Variants in RAP1A observed in about 807,000 individuals in gnomAD.
RAP1A encodes the protein ras-related protein Rap-1A.
In RAP1A, 6 loss-of-function variants were observed where a neutral mutation model predicts 26.4. The observed-to-expected ratio is 0.23, with a 90% CI of 0.12 to 0.45. The LOEUF is 0.45. Among genes scored for constraint, RAP1A ranks in the 20% least tolerant of loss-of-function variants. The probability of loss-of-function intolerance (pLI) is 0.99; values close to 1 mark genes in which losing one functional copy is unlikely to be tolerated. For missense variants in RAP1A, 121 were observed against 217.2 expected (o/e 0.56, Z 2.78); for synonymous variants, 73 against 79.4 (o/e 0.92, Z 0.43).
intron 6 of RAP1A, among the ~76,000 whole-genome samples, chr1:111,706,957 T>C (rs894087677): frequency 6.6e-6 from 1 of 152,240 alleles, no homozygotes; most frequent in Non-Finnish European, 1.5e-5. Context: ...TTATAGCTTA[T>C]GCATTGAGTA....
At chr1:111,686,572 T>C (rs2101226621) in intron 1 of RAP1A, 1 of 151,102 alleles carries the variant, frequency 6.6e-6, no homozygotes, top group Admixed American at 6.6e-5. Flanking sequence ...ATGTCTGTAG[T>C]CCCAGCTACT....
intron 1 of RAP1A, among the ~76,000 whole-genome samples, chr1:111,572,215 C>T (rs1346923290): frequency 1.3e-5 from 2 of 152,228 alleles, no homozygotes; most frequent in East Asian, 3.8e-4. Context: ...GCTTCTTTCA[C>T]CACATTCCAA....
chr1:111,549,162 G>T (rs940415580), intron 1 of RAP1A, among the ~76,000 whole-genome samples: 2 of 152,086 alleles, frequency 1.3e-5, no homozygotes, highest in Non-Finnish European at 1.5e-5. Context: ...TCTTTGTCTG[G>T]TGTTAGTATT....
chr1:111,701,090 G>A (rs1662007735), intron 4 of RAP1A, among the ~76,000 whole-genome samples: 1 of 152,072 alleles, frequency 6.6e-6, no homozygotes, highest in South Asian at 2.1e-4. Context: ...CTTAAATTAT[G>A]CATTAAACTC....
intron 4 of RAP1A, among the ~76,000 whole-genome samples, chr1:111,700,314 C>T (rs1661979646): frequency 6.6e-6 from 1 of 152,204 alleles, no homozygotes; most frequent in African/African-American, 2.4e-5. Flanking sequence ...GCTATACAAG[C>T]ATAGCTCCAG....
intron 1 of RAP1A, among the ~76,000 whole-genome samples, chr1:111,573,999 G>A (rs960536670): frequency 4.6e-5 from 7 of 151,972 alleles, no homozygotes; most frequent in African/African-American, 1.2e-4. Flanking sequence ...TGTTGCAATC[G>A]CTTTTGACAT....
intron 1 of RAP1A, chr1:111,563,822 G>A (rs1591712): frequency 0.91 from 1,452,237 of 1,593,434 alleles, 662,358 homozygotes; most frequent in East Asian, 0.95. Flanking sequence ...CCTCCCAGCA[G>A]CTATATTTTC....
intron 1 of RAP1A, among the ~76,000 whole-genome samples, chr1:111,610,031 GA>G (rs1308960987): frequency 6.6e-6 from 1 of 152,174 alleles, no homozygotes; most frequent in Non-Finnish European, 1.5e-5. Flanking sequence ...GTACTGCTCT[GA>G]AAAACTATAC....
intron 1 of RAP1A, among the ~76,000 whole-genome samples, chr1:111,655,944 C>G (rs1353506796): frequency 2.6e-5 from 4 of 151,980 alleles, no homozygotes; most frequent in Non-Finnish European, 5.9e-5. Flanking sequence ...CCCACCTCGG[C>G]CTCCCAAAGT....
chr1:111,636,345 T>C (rs917384843), intron 1 of RAP1A, among the ~76,000 whole-genome samples: 1 of 152,132 alleles, frequency 6.6e-6, no homozygotes, highest in African/African-American at 2.4e-5. Context: ...ACAAACACTA[T>C]GGCAATAAAG....
At chr1:111,571,159 T>C (rs79740096) in intron 1 of RAP1A, among the ~76,000 whole-genome samples, 2,828 of 152,278 alleles carry the variant, frequency 0.019, 48 homozygotes, top group Non-Finnish European at 0.024. Context: ...AGGGAACCAC[T>C]TTGCTTACAT....
chr1:111,604,970 G>C (rs1428455547), intron 1 of RAP1A, among the ~76,000 whole-genome samples: 1 of 152,194 alleles, frequency 6.6e-6, no homozygotes, highest in African/African-American at 2.4e-5. Context: ...CTTCAAGTTA[G>C]TGTGACAATT....
chr1:111,679,941 G>C (rs1343611057), intron 1 of RAP1A, among the ~76,000 whole-genome samples: 1 of 152,180 alleles, frequency 6.6e-6, no homozygotes, highest in African/African-American at 2.4e-5. Context: ...GCACCTGGGG[G>C]AATTGGCAGC....
intron 1 of RAP1A, among the ~76,000 whole-genome samples, chr1:111,570,665 T>C (rs1215064651): frequency 6.6e-6 from 1 of 152,212 alleles, no homozygotes; most frequent in African/African-American, 2.4e-5. Flanking sequence ...CCCTGGCTTC[T>C]GGTGAGGGTT....
At chr1:111,709,102 T>G (rs1662291298) in intron 6 of RAP1A, 47 bp from the exon 7 acceptor site, 1 of 1,573,364 alleles carries the variant, frequency 6.4e-7, no homozygotes, top group Non-Finnish European at 8.6e-7. Context: ...TGGAACAAAG[T>G]CTCAAAAACT....
Position 111,551,108 on chromosome 1 carries a change from T to C in RAP1A, c.-28+8599T>C, listed in dbSNP as rs1171435264. 5.9e-5 allele frequency among the ~76,000 whole-genome samples: 9 copies of C among 152,214 alleles called. No homozygotes were observed. The East Asian group carries it at 1.7e-3, about 29-fold the overall frequency. ...TACTTATCTTTTCTCATTCTTTTAC[T>C]TTCAACCTGTTTGTGTCTTTAAATC... On this transcript the variant is annotated intron_variant, in intron 1 of 7. Transcript: ENST00000356415.
intron 1 of RAP1A, among the ~76,000 whole-genome samples, chr1:111,681,669 T>G (rs543717196): frequency 6.6e-6 from 1 of 152,048 alleles, no homozygotes; most frequent in Non-Finnish European, 1.5e-5. Context: ...TGAAAAGGAA[T>G]GTACAAAGCC....
chr1:111,697,618 C>A, intron 4 of RAP1A, 121 bp downstream of exon 4: 2 of 1,502,620 alleles, frequency 1.3e-6, no homozygotes, highest in South Asian at 1.3e-5. Context: ...AGAAGAAATT[C>A]TCTGAACATA....
At chr1:111,571,224 C>T (rs2101055267) in intron 1 of RAP1A, among the ~76,000 whole-genome samples, 1 of 152,334 alleles carries the variant, frequency 6.6e-6, no homozygotes, top group East Asian at 1.9e-4. Flanking sequence ...GAAGAGATGT[C>T]TGGGGCACAG....
Sources: allele counts gnomAD v4.1 joint callset (sites outside exome capture counted in the v4.1 genomes callset), GRCh38; gene constraint gnomAD v4.1.1; transcripts MANE v1.5; gene names NCBI Gene and HGNC (gene_info 2026-07-23, HGNC 2026-07-21).